MYOZ2: variants seen among roughly 807,000 people sequenced by gnomAD.
The protein encoded by MYOZ2 is myozenin 2, also known as myozenin-2.
Under a neutral mutation model 25.4 loss-of-function variants are expected in MYOZ2, and 19 were observed. That is an observed-to-expected ratio of 0.75 (90% confidence interval 0.52 to 1.10). MYOZ2 has a LOEUF of 1.10. Ranked by LOEUF, MYOZ2 falls within the 50% of genes least tolerant of loss-of-function variation. The probability of loss-of-function intolerance (pLI) is 0.00; values close to 1 mark genes in which losing one functional copy is unlikely to be tolerated. For missense variants in MYOZ2, 270 were observed against 317.9 expected, an observed-to-expected ratio of 0.85 and a Z score of 1.15; for synonymous variants, 92 against 106.9, an observed-to-expected ratio of 0.86 and a Z score of 0.86.
rs10014363 is a variant in MYOZ2, at chr4:119,179,696, T to G, written c.561-6270T>G. Among the ~76,000 whole-genome samples the G allele has an allele frequency of 4.0e-3, 613 of 152,270 alleles. 7 individuals are homozygous for G. Among genetic ancestry groups the G allele is most frequent in the African/African-American group, 0.014 (586 of 41,554 alleles). ...TGGATAATTCATAAAGAACAGAAAT[T>G]TATTTCCTCACAGTTCTGGAGCTTG... is the stretch of plus-strand genomic sequence containing the variant. On this transcript the variant is annotated intron_variant, in intron 5 of 5. Transcript: ENST00000307128.
chr4:119,179,889 TTCATGAGGGCAGC>T (rs1742153610), intron 5 of MYOZ2, among the ~76,000 whole-genome samples: 1 of 152,228 alleles, frequency 6.6e-6, no homozygotes, highest in African/African-American at 2.4e-5. Flanking sequence ...CACTAATCCA[TTCATGAGGGCAGC>T]GCCCTCATGA....
intron 5 of MYOZ2, among the ~76,000 whole-genome samples, chr4:119,179,904 C>T (rs1448020290): frequency 2.0e-5 from 3 of 152,218 alleles, no homozygotes; most frequent in Non-Finnish European, 2.9e-5. Context: ...GAGGGCAGCG[C>T]CCTCATGACT....
At chr4:119,136,189 A>G (rs974617420) in intron 1 of MYOZ2, among the ~76,000 whole-genome samples, 2 of 152,296 alleles carry the variant, frequency 1.3e-5, no homozygotes, top group Admixed American at 6.5e-5. Flanking sequence ...GTACAAATGA[A>G]GGCCAGTGAG....
intron 5 of MYOZ2, among the ~76,000 whole-genome samples, chr4:119,169,420 G>T (rs1470335030): frequency 1.3e-5 from 2 of 152,172 alleles, no homozygotes; most frequent in Admixed American, 1.3e-4. Flanking sequence ...ACATAAGTAA[G>T]ATTTTCACAT....
At chr4:119,155,733 A>G (rs997366742) in intron 3 of MYOZ2, among the ~76,000 whole-genome samples, 2 of 152,296 alleles carry the variant, frequency 1.3e-5, no homozygotes, top group African/African-American at 4.8e-5. Context: ...AACAATTTCT[A>G]AAGATTGGAG....
At chr4:119,148,365 G>A (rs1490055854) in intron 2 of MYOZ2, among the ~76,000 whole-genome samples, 3 of 152,114 alleles carry the variant, frequency 2.0e-5, no homozygotes, top group African/African-American at 2.4e-5. Flanking sequence ...TTAGCTTCTC[G>A]AATCTGTAAG....
At position 119,164,301 on chromosome 4, in the gene MYOZ2, T is replaced by C; in HGVS notation, c.467T>C (p.Ile156Thr). Residue 156 changes from isoleucine (I) to threonine (T), a missense_variant, in exon 5 of 6, where the codon ATT (isoleucine) becomes ACT (threonine). Coordinates refer to ENST00000307128, the MANE Select transcript of MYOZ2 (RefSeq NM_016599.5). ...KYYQSPWEQA[I>T]SNDPELLEAL... ...TATCAATCTCCCTGGGAACAAGCCATTAGCAATGATCCGGAGCTTTTAGAG... is the reference window on the plus strand; with the variant it reads ...TATCAATCTCCCTGGGAACAAGCCACTAGCAATGATCCGGAGCTTTTAGAG... 1.2e-6 allele frequency: 2 copies of C among 1,614,024 alleles called. No individual in the cohort carries two copies. Among genetic ancestry groups the C allele is most frequent in the Non-Finnish European group, 1.7e-6 (2 of 1,179,904 alleles).
At chr4:119,163,108 G>A (rs1741745657) in intron 4 of MYOZ2, among the ~76,000 whole-genome samples, 1 of 152,102 alleles carries the variant, frequency 6.6e-6, no homozygotes. Flanking sequence ...TATTTAAGTG[G>A]TAAGCAGAGA....
intron 5 of MYOZ2, among the ~76,000 whole-genome samples, chr4:119,178,226 C>T (rs1742118476): frequency 6.6e-6 from 1 of 152,206 alleles, no homozygotes; most frequent in African/African-American, 2.4e-5. Context: ...ATTGCTGGCT[C>T]CTCCCTTTCC....
At chr4:119,153,120 A>T (rs1741491679) in intron 3 of MYOZ2, among the ~76,000 whole-genome samples, 1 of 149,720 alleles carries the variant, frequency 6.7e-6, no homozygotes, top group African/African-American at 2.5e-5. Flanking sequence ...AAAGATACGC[A>T]CTCCAATGCT....
At chr4:119,173,140 C>T (rs761231552) in intron 5 of MYOZ2, among the ~76,000 whole-genome samples, 17 of 152,090 alleles carry the variant, frequency 1.1e-4, no homozygotes, top group Non-Finnish European at 2.4e-4. Flanking sequence ...ATTATATATC[C>T]AGTACTATTA....
At chr4:119,168,467 T>G (rs2149226548) in intron 5 of MYOZ2, among the ~76,000 whole-genome samples, 1 of 152,224 alleles carries the variant, frequency 6.6e-6, no homozygotes, top group East Asian at 1.9e-4. Context: ...CTAGATGCCA[T>G]GAAGATTATT....
chr4:119,151,047 T>A lies in MYOZ2; in HGVS notation c.246+6T>A. 6.2e-7 allele frequency: 1 copy of A among 1,603,950 alleles called. No individual in the cohort carries two copies. The highest frequency in any genetic ancestry group is 8.5e-7 in the Non-Finnish European group (1 of 1,171,020). On this transcript the variant is annotated splice_donor_region_variant and intron_variant, in intron 3 of 5. Coordinates refer to ENST00000307128, the MANE Select transcript of MYOZ2 (RefSeq NM_016599.5). ...AATCTAGAGCACAAATAAATGTAGGTATAACTTGAACAGGTAGTATCCAAA... is the reference window on the plus strand; with the variant it reads ...AATCTAGAGCACAAATAAATGTAGGAATAACTTGAACAGGTAGTATCCAAA...
intron 5 of MYOZ2, 141 bp from the exon 6 acceptor site, chr4:119,185,825 C>T (rs1160194562): frequency 1.4e-6 from 1 of 714,844 alleles, no homozygotes; most frequent in Admixed American, 2.5e-5. Context: ...AAATGACAGT[C>T]ATTCATAGAA....
chr4:119,182,853 A>G (rs1742212634), intron 5 of MYOZ2, among the ~76,000 whole-genome samples: 1 of 152,236 alleles, frequency 6.6e-6, no homozygotes, highest in African/African-American at 2.4e-5. Flanking sequence ...ATGGGAATAT[A>G]CAAATGAAAT....
chr4:119,138,053 A>C (rs1195125267), intron 2 of MYOZ2, among the ~76,000 whole-genome samples: 1 of 152,204 alleles, frequency 6.6e-6, no homozygotes, highest in Non-Finnish European at 1.5e-5. Flanking sequence ...TAGATCTATA[A>C]GGGTAAGAAG....
chr4:119,137,048 A>G (rs1371071816), intron 2 of MYOZ2, among the ~76,000 whole-genome samples: 1 of 152,078 alleles, frequency 6.6e-6, no homozygotes, highest in African/African-American at 2.4e-5. Flanking sequence ...GTTGGAATTC[A>G]TATTTATTGC....
In MYOZ2 at chr4:119,147,469, G is replaced by A. The variant is rs180909712; in HGVS notation, c.77-3403G>A. On this transcript the variant is annotated intron_variant, in intron 2 of 5. Transcript: ENST00000307128. ...AATTTATCTACTTTTGGCCAGGCAC[G>A]GTGGCTCATGCCTGTAATCCCAGCA... 3.3e-5 allele frequency among the ~76,000 whole-genome samples: 5 copies of A among 152,088 alleles called. No homozygotes were observed. In the East Asian group the frequency reaches 7.7e-4, roughly 24 times the overall value.
chr4:119,169,927 G>A (rs575509200), intron 5 of MYOZ2, among the ~76,000 whole-genome samples: 1 of 152,236 alleles, frequency 6.6e-6, no homozygotes, highest in African/African-American at 2.4e-5. Flanking sequence ...CTAGAAAGAA[G>A]ATGACATCTC....
Sources: gnomAD v4.1 joint callset for allele counts (sites outside exome capture counted in the v4.1 genomes callset) on GRCh38, gnomAD v4.1.1 for gene constraint, MANE v1.5 for transcripts, NCBI Gene and HGNC (gene_info 2026-07-23, HGNC 2026-07-21) for gene names.